MIPOL1: variants seen among roughly 807,000 people sequenced by gnomAD.
The protein encoded by MIPOL1 is mirror-image polydactyly 1.
Under a neutral mutation model 60.9 loss-of-function variants are expected in MIPOL1, and 57 were observed. That is an observed-to-expected ratio of 0.94 (90% confidence interval 0.76 to 1.17). The LOEUF is 1.17. MIPOL1 is among the 50% of genes most tolerant of loss of function. The pLI is 0.00. For missense variants in MIPOL1, 551 were observed against 511.6 expected (o/e 1.08, Z -0.74); for synonymous variants, 179 against 168.8 (o/e 1.06, Z -0.47).
chr14:37,416,025 A>G (rs2093762972), intron 10 of MIPOL1, among the ~76,000 whole-genome samples: 1 of 152,108 alleles, frequency 6.6e-6, no homozygotes, highest in Admixed American at 6.5e-5. Context: ...CTCTCTTCTA[A>G]AACAATAGAA....
intron 1 of MIPOL1, among the ~76,000 whole-genome samples, chr14:37,238,285 C>G (rs992317439): frequency 1.3e-5 from 2 of 152,036 alleles, no homozygotes; most frequent in Admixed American, 1.3e-4. Context: ...ATGTATTACC[C>G]AAGTTTGACA....
At chr14:37,340,412 G>A (rs2090478485) in intron 9 of MIPOL1, among the ~76,000 whole-genome samples, 1 of 152,042 alleles carries the variant, frequency 6.6e-6, no homozygotes, top group Non-Finnish European at 1.5e-5. Context: ...AGTTTATGAA[G>A]TAAAAAAGTT....
At chr14:37,201,044 A>G (rs1029295776) in intron 1 of MIPOL1, among the ~76,000 whole-genome samples, 1 of 151,442 alleles carries the variant, frequency 6.6e-6, no homozygotes, top group East Asian at 1.9e-4. Flanking sequence ...CTAGGGTTAC[A>G]GGCACACACC....
chr14:37,419,110 G>A (rs773144455), intron 10 of MIPOL1, among the ~76,000 whole-genome samples: 2 of 152,076 alleles, frequency 1.3e-5, no homozygotes, highest in African/African-American at 2.4e-5. Context: ...ATGTCTAACA[G>A]GTAAGTGGAT....
chr14:37,281,265 A>G (rs2084083287), intron 6 of MIPOL1, among the ~76,000 whole-genome samples: 1 of 152,174 alleles, frequency 6.6e-6, no homozygotes, highest in South Asian at 2.1e-4. Flanking sequence ...AAGAGATTGT[A>G]CTTTCTCCAT....
intron 11 of MIPOL1, among the ~76,000 whole-genome samples, chr14:37,450,435 A>T (rs1421202730): frequency 6.6e-6 from 1 of 152,164 alleles, no homozygotes; most frequent in Non-Finnish European, 1.5e-5. Context: ...TTAAGATGTT[A>T]TTCTTTCTCT....
intron 9 of MIPOL1, among the ~76,000 whole-genome samples, chr14:37,368,586 G>A (rs1287033332): frequency 6.6e-6 from 1 of 152,014 alleles, no homozygotes; most frequent in South Asian, 2.1e-4. Context: ...TAGTTGTTTT[G>A]TAAATATTCT....
intron 12 of MIPOL1, among the ~76,000 whole-genome samples, chr14:37,515,489 C>G (rs536834025): frequency 4.5e-4 from 68 of 152,268 alleles, no homozygotes; most frequent in African/African-American, 1.6e-3. Flanking sequence ...ACGTCATCAT[C>G]TTTTTAGTTT....
At chr14:37,526,032 T>C (rs2095443874) in intron 12 of MIPOL1, among the ~76,000 whole-genome samples, 1 of 152,172 alleles carries the variant, frequency 6.6e-6, no homozygotes, top group East Asian at 1.9e-4. Context: ...TTCTTTATCA[T>C]AGTATTTCTA....
intron 9 of MIPOL1, among the ~76,000 whole-genome samples, chr14:37,360,595 T>A (rs1463824189): frequency 6.6e-6 from 1 of 152,220 alleles, no homozygotes; most frequent in Non-Finnish European, 1.5e-5. Context: ...ATTTTCTAGT[T>A]TATTTGCGTA....
intron 1 of MIPOL1, among the ~76,000 whole-genome samples, chr14:37,226,125 A>G (rs771599738): frequency 3.9e-5 from 6 of 152,208 alleles, no homozygotes; most frequent in South Asian, 4.1e-4. Flanking sequence ...ACAAGTCTCT[A>G]GGAAGCTCAA....
intron 11 of MIPOL1, among the ~76,000 whole-genome samples, chr14:37,424,112 TC>T (rs1267121769): frequency 6.6e-6 from 1 of 152,152 alleles, no homozygotes; most frequent in East Asian, 1.9e-4. Flanking sequence ...TTCTTTCCCA[TC>T]CCCAAGTTAA....
intron 12 of MIPOL1, among the ~76,000 whole-genome samples, chr14:37,517,215 A>G (rs1351342038): frequency 6.6e-6 from 1 of 152,334 alleles, no homozygotes; most frequent in African/African-American, 2.4e-5. Context: ...GCGTGTGCCT[A>G]AAAGTGCTTT....
chr14:37,299,624 A>G (rs944992667), intron 7 of MIPOL1, among the ~76,000 whole-genome samples: 1 of 152,028 alleles, frequency 6.6e-6, no homozygotes, highest in African/African-American at 2.4e-5. Context: ...AAAGTGTAGA[A>G]TAGTTTTATA....
intron 3 of MIPOL1, 114 bp from the exon 4 acceptor site, chr14:37,266,824 A>G: frequency 1.4e-6 from 1 of 721,100 alleles, no homozygotes. Flanking sequence ...GTAAGACTAG[A>G]AACTATATGT....
chr14:37,547,999 G>T lies in MIPOL1; in HGVS notation c.*1028G>T, dbSNP rs1158842490. The T allele has an allele frequency of 1.3e-5, 2 of 151,966 alleles. No homozygotes were observed. Among genetic ancestry groups the T allele is most frequent in the Non-Finnish European group, 1.5e-5 (1 of 67,908 alleles). The allele number at this position is 151,966 out of a possible 1,614,324, so 9.4% of individuals were successfully genotyped here. On this transcript the variant is annotated 3_prime_UTR_variant, in exon 13 of 13. Coordinates refer to ENST00000684589, the MANE Select transcript of MIPOL1 (RefSeq NM_001388067.1). ...CAGCATAGCAGTCATATGAAGTTAT[G>T]AATAGAACTGAGATTTTTATGTAAT...
chr14:37,211,176 T>G (rs1407076669), intron 1 of MIPOL1, among the ~76,000 whole-genome samples: 4 of 150,692 alleles, frequency 2.7e-5, no homozygotes, highest in African/African-American at 9.8e-5. Flanking sequence ...AATAGAAAGC[T>G]CCACTGCCCA....
chr14:37,335,256 T>C (rs2090020638), intron 9 of MIPOL1, among the ~76,000 whole-genome samples: 1 of 152,120 alleles, frequency 6.6e-6, no homozygotes, highest in African/African-American at 2.4e-5. Flanking sequence ...TTAAAAATTG[T>C]GGTAAATATA....
At chr14:37,444,039 A>G (rs1249229212) in intron 11 of MIPOL1, among the ~76,000 whole-genome samples, 2 of 152,124 alleles carry the variant, frequency 1.3e-5, no homozygotes, top group African/African-American at 4.8e-5. Flanking sequence ...ATTTCTATGT[A>G]AGATCAAGAA....
Sources: gnomAD v4.1 joint callset for allele counts (sites outside exome capture counted in the v4.1 genomes callset) on GRCh38, gnomAD v4.1.1 for gene constraint, MANE v1.5 for transcripts, NCBI Gene and HGNC (gene_info 2026-07-23, HGNC 2026-07-21) for gene names.